Variants in EPHA5 observed in about 807,000 individuals in gnomAD.
EPHA5 encodes the protein ephrin type-A receptor 5.
EPHA5 carries 60 observed loss-of-function variants against 105.0 expected under a neutral mutation model. That is an observed-to-expected ratio of 0.57 (90% confidence interval 0.46 to 0.71). EPHA5 has a LOEUF of 0.71. Ranked by LOEUF, EPHA5 falls within the 30% of genes least tolerant of loss-of-function variation. The pLI is 0.00. For missense variants in EPHA5, 1,218 were observed against 1,274.7 expected (o/e 0.96, Z 0.68); for synonymous variants, 513 against 449.1 (o/e 1.14, Z -1.80).
At chr4:65,598,653 A>G (rs1391539306) in intron 3 of EPHA5, among the ~76,000 whole-genome samples, 2 of 152,182 alleles carry the variant, frequency 1.3e-5, no homozygotes, top group Non-Finnish European at 2.9e-5. Flanking sequence ...GTAAACAGTG[A>G]CGCTTGATTT....
intron 2 of EPHA5, among the ~76,000 whole-genome samples, chr4:65,608,931 A>G (rs2149453478): frequency 1.3e-5 from 2 of 152,266 alleles, no homozygotes; most frequent in Middle Eastern, 3.4e-3. Context: ...AGGCCACTCG[A>G]GGTCATTTTA....
At chr4:65,523,361 T>C (rs1398430600) in intron 3 of EPHA5, among the ~76,000 whole-genome samples, 1 of 151,954 alleles carries the variant, frequency 6.6e-6, no homozygotes, top group African/African-American at 2.4e-5. Flanking sequence ...ACAACAAAGA[T>C]CAGTACTTTT....
At chr4:65,503,967 C>T (rs1354322966) in intron 3 of EPHA5, among the ~76,000 whole-genome samples, 6 of 149,196 alleles carry the variant, frequency 4.0e-5, no homozygotes. Context: ...AAATTGTGGA[C>T]CATCAGTAAC....
Position 65,535,351 on chromosome 4 carries a change from C to G in EPHA5, c.911-39808G>C, listed in dbSNP as rs78123406. Among the ~76,000 whole-genome samples the G allele has an allele frequency of 9.0e-3, 1,364 of 152,126 alleles. 21 individuals are homozygous for G. Among genetic ancestry groups the G allele is most frequent in the African/African-American group, 0.032 (1,311 of 41,510 alleles). Reference sequence around the variant, plus strand: ...AATCACAAGACACAGAAGAATGAAGCAGCAAAGTGAAAGGTATTGTAGAAC... The same window carrying G: ...AATCACAAGACACAGAAGAATGAAGGAGCAAAGTGAAAGGTATTGTAGAAC... On this transcript the variant is annotated intron_variant, in intron 3 of 16. Coordinates refer to ENST00000613740, the MANE Select transcript of EPHA5 (RefSeq NM_001281766.3).
chr4:65,570,700 T>C (rs757105541), intron 3 of EPHA5, among the ~76,000 whole-genome samples: 10 of 152,078 alleles, frequency 6.6e-5, no homozygotes, highest in Non-Finnish European at 1.2e-4. Flanking sequence ...TGTCCATCTC[T>C]GAAAAAAAAT....
chr4:65,444,930 A>C (rs1014155909), intron 5 of EPHA5, among the ~76,000 whole-genome samples: 1 of 152,128 alleles, frequency 6.6e-6, no homozygotes, highest in Non-Finnish European at 1.5e-5. Context: ...TCTTTGAATT[A>C]GTCACTTAAC....
At chr4:65,507,440 C>G (rs942495496) in intron 3 of EPHA5, among the ~76,000 whole-genome samples, 15 of 152,116 alleles carry the variant, frequency 9.9e-5, no homozygotes, top group Non-Finnish European at 1.8e-4. Context: ...GGCATTGAAT[C>G]TATAAATTAC....
intron 3 of EPHA5, among the ~76,000 whole-genome samples, chr4:65,529,000 G>A (rs1735507259): frequency 6.6e-6 from 1 of 152,102 alleles, no homozygotes; most frequent in African/African-American, 2.4e-5. Context: ...AAGCACTGAG[G>A]TAATATTGAA....
chr4:65,495,382 C>A lies in EPHA5; in HGVS notation c.1066+6G>T, dbSNP rs2149225261. 6.2e-7 allele frequency: 1 copy of A among 1,610,156 alleles called. No homozygotes were observed. The highest frequency in any genetic ancestry group is 8.5e-7 in the Non-Finnish European group (1 of 1,178,364). On this transcript the variant is annotated splice_donor_region_variant and intron_variant, in intron 4 of 16. Transcript: ENST00000613740. The stretch of plus-strand genomic sequence containing the variant: ...AGCACCACCAAATATCCGTGGGTTT[C>A]CTTACTTGTGCATGCCATTGTGGGT...
chr4:65,575,837 C>T (rs916921153), intron 3 of EPHA5, among the ~76,000 whole-genome samples: 1 of 151,072 alleles, frequency 6.6e-6, no homozygotes, highest in Non-Finnish European at 1.5e-5. Flanking sequence ...ATTAGGCAGG[C>T]GTAGTGATGG....
At chr4:65,468,983 C>G (rs1729027644) in intron 5 of EPHA5, among the ~76,000 whole-genome samples, 1 of 151,954 alleles carries the variant, frequency 6.6e-6, no homozygotes, top group Non-Finnish European at 1.5e-5. Flanking sequence ...AGCTTCATCA[C>G]AGTGATAGGT....
chr4:65,459,881 TATTGATTGATTATAAA>T (rs1474541681), intron 5 of EPHA5, among the ~76,000 whole-genome samples: 3 of 151,640 alleles, frequency 2.0e-5, no homozygotes, highest in African/African-American at 7.2e-5. Flanking sequence ...TAATGAAAAA[TATTGATTGATTATAAA>T]ATATTCAGTT....
At chr4:65,331,354 A>T in intron 16 of EPHA5, 1 of 1,038,626 alleles carries the variant, frequency 9.6e-7, no homozygotes, top group Non-Finnish European at 1.2e-6. Flanking sequence ...TTTATTTAAT[A>T]AGGTTTGATA....
chr4:65,390,243 A>G (rs1202907805), intron 8 of EPHA5, among the ~76,000 whole-genome samples: 1 of 151,986 alleles, frequency 6.6e-6, no homozygotes, highest in Non-Finnish European at 1.5e-5. Flanking sequence ...TTAACCTCCC[A>G]TTAACTTCAG....
chr4:65,417,412 C>T (rs1291050184), intron 6 of EPHA5, among the ~76,000 whole-genome samples: 1 of 152,126 alleles, frequency 6.6e-6, no homozygotes, highest in Non-Finnish European at 1.5e-5. Flanking sequence ...TTTAAAAAAT[C>T]TTTATAGGTA....
intron 3 of EPHA5, among the ~76,000 whole-genome samples, chr4:65,523,898 T>G (rs1734995361): frequency 6.6e-6 from 1 of 151,862 alleles, no homozygotes. Flanking sequence ...CACTTTCATA[T>G]CACAAGAGTG....
chr4:65,469,729 T>G (rs944340568), intron 5 of EPHA5, among the ~76,000 whole-genome samples: 8 of 152,150 alleles, frequency 5.3e-5, no homozygotes, highest in Non-Finnish European at 8.8e-5. Context: ...CCATATAAAA[T>G]TTAGGACAAT....
intron 8 of EPHA5, among the ~76,000 whole-genome samples, chr4:65,398,386 G>C (rs1011399430): frequency 1.3e-5 from 2 of 152,084 alleles, no homozygotes; most frequent in African/African-American, 4.8e-5. Context: ...CTCAGCATGG[G>C]CCTGCAGGAA....
chr4:65,520,080 A>T (rs752392531), intron 3 of EPHA5, among the ~76,000 whole-genome samples: 4 of 152,234 alleles, frequency 2.6e-5, no homozygotes, highest in Non-Finnish European at 4.4e-5. Context: ...GACAATCCTA[A>T]GCCAAAAGAA....
Sources: allele counts gnomAD v4.1 joint callset (sites outside exome capture counted in the v4.1 genomes callset), GRCh38; gene constraint gnomAD v4.1.1; transcripts MANE v1.5; gene names NCBI Gene and HGNC (gene_info 2026-07-23, HGNC 2026-07-21).